The following RBFOX1 variants were observed in gnomAD, a reference collection of about 807,000 sequenced individuals.
The protein encoded by RBFOX1 is RNA binding fox-1 homolog 1.
A neutral mutation model predicts 57.7 loss-of-function variants in RBFOX1; 8 were observed. The observed-to-expected ratio is 0.14, with a 90% CI of 0.08 to 0.25. The LOEUF (loss-of-function observed/expected upper bound fraction) is 0.25, where lower values mean the gene tolerates loss of function less well. Among genes scored for constraint, RBFOX1 ranks in the 10% least tolerant of loss-of-function variants. The pLI is 1.00. For missense variants in RBFOX1, 611 were observed against 548.5 expected (o/e 1.11, Z -1.14); for synonymous variants, 326 against 222.4 (o/e 1.47, Z -4.15).
chr16:7,127,278 T>C (rs1407066815), intron 4 of RBFOX1, among the ~76,000 whole-genome samples: 1 of 152,164 alleles, frequency 6.6e-6, no homozygotes, highest in Non-Finnish European at 1.5e-5. Flanking sequence ...ATATGTAATA[T>C]TATCCATAGT....
At chr16:7,155,732 T>TACAC (rs1261795700) in intron 4 of RBFOX1, among the ~76,000 whole-genome samples, 1 of 89,442 alleles carries the variant, frequency 1.1e-5, no homozygotes, top group Non-Finnish European at 2.0e-5. Flanking sequence ...TATATATATA[T>TACAC]ATATATACAC....
chr16:5,470,116 G>T (rs914163777), intron 2 of RBFOX1, among the ~76,000 whole-genome samples: 1 of 152,182 alleles, frequency 6.6e-6, no homozygotes, highest in African/African-American at 2.4e-5. Flanking sequence ...GACTCAGCAG[G>T]GTTTCTCCCA....
intron 4 of RBFOX1, among the ~76,000 whole-genome samples, chr16:5,930,167 A>G: frequency 6.6e-6 from 1 of 151,208 alleles, no homozygotes; most frequent in Middle Eastern, 3.2e-3. Flanking sequence ...TATAAGTGAC[A>G]GAAACTCAAC....
chr16:6,930,994 C>T (rs531240148), intron 3 of RBFOX1, among the ~76,000 whole-genome samples: 3 of 151,850 alleles, frequency 2.0e-5, no homozygotes, highest in African/African-American at 2.4e-5. Flanking sequence ...TATTTCCTAT[C>T]TTCTCCTTTC....
intron 1 of RBFOX1, among the ~76,000 whole-genome samples, chr16:6,271,852 G>C (rs1348500659): frequency 6.6e-6 from 1 of 152,058 alleles, no homozygotes; most frequent in African/African-American, 2.4e-5. Context: ...GTTTTTGTTA[G>C]AGAATTCTAC....
intron 4 of RBFOX1, among the ~76,000 whole-genome samples, chr16:7,138,811 C>G (rs1483392073): frequency 6.6e-6 from 1 of 152,056 alleles, no homozygotes; most frequent in Non-Finnish European, 1.5e-5. Context: ...GCTGGATAAA[C>G]TCAGACTTTT....
chr16:7,000,140 C>T (rs1568304984), intron 3 of RBFOX1, among the ~76,000 whole-genome samples: 1 of 150,518 alleles, frequency 6.6e-6, no homozygotes, highest in South Asian at 2.1e-4. Context: ...GTTTTCAGTA[C>T]TTACAATTAG....
chr16:7,597,520 G>C, intron 9 of RBFOX1, 89 bp downstream of exon 9: 1 of 1,194,200 alleles, frequency 8.4e-7, no homozygotes. Flanking sequence ...AACAAGCTGT[G>C]TTTGCCTGGG....
intron 1 of RBFOX1, among the ~76,000 whole-genome samples, chr16:6,062,627 T>TA (rs2095703215): frequency 6.9e-6 from 1 of 145,744 alleles, no homozygotes; most frequent in Non-Finnish European, 1.5e-5. Context: ...TAAATATATA[T>TA]AACATATACA....
rs534449475 is a variant in RBFOX1, at chr16:7,226,824, C to T, written c.27+174726C>T. ...AAATAAGTCAGTGAGCAAATTATCT[C>T]ATTAAAATGTAAGTCAGAGATTGCC... On this transcript the variant is annotated intron_variant, in intron 4 of 15. Coordinates refer to ENST00000550418, the MANE Select transcript of RBFOX1 (RefSeq NM_018723.4). Among the ~76,000 whole-genome samples, 360 of 152,278 alleles carry T rather than the reference C, an allele frequency of 2.4e-3. 2 individuals are homozygous for T. Among genetic ancestry groups the T allele is most frequent in the South Asian group, 0.013 (63 of 4,820 alleles).
At chr16:6,237,572 T>G (rs894341127) in intron 1 of RBFOX1, among the ~76,000 whole-genome samples, 1 of 151,980 alleles carries the variant, frequency 6.6e-6, no homozygotes, top group African/African-American at 2.4e-5. Context: ...TGAAACCTCG[T>G]CTTTACTAAA....
chr16:7,571,545 A>C (rs1316437544), intron 5 of RBFOX1, among the ~76,000 whole-genome samples: 2 of 152,218 alleles, frequency 1.3e-5, no homozygotes, highest in African/African-American at 4.8e-5. Flanking sequence ...CAGGAGATTA[A>C]AGTGCCAGTG....
intron 12 of RBFOX1, among the ~76,000 whole-genome samples, chr16:7,660,370 G>A (rs1324570550): frequency 2.6e-5 from 4 of 152,170 alleles, no homozygotes; most frequent in African/African-American, 7.2e-5. Context: ...CCTGTTTAGT[G>A]CGCAATGGTA....
intron 3 of RBFOX1, among the ~76,000 whole-genome samples, chr16:7,010,313 A>G (rs1266597695): frequency 6.6e-6 from 1 of 152,240 alleles, no homozygotes; most frequent in East Asian, 1.9e-4. Flanking sequence ...ACACTAGAGA[A>G]AGAACTTACA....
At position 7,179,350 on chromosome 16, in the gene RBFOX1, C is replaced by G. The variant is rs1190444888; in HGVS notation, c.27+127252C>G. On this transcript the variant is annotated intron_variant, in intron 4 of 15. Transcript: ENST00000550418. ...GCACCGCTTTCCCCTTACCCCTTAC[C>G]TAAGAGAACATAATTCTAAAAATCC... is the stretch of plus-strand genomic sequence containing the variant. Among the ~76,000 whole-genome samples, 7 of 152,130 alleles carry G rather than the reference C, an allele frequency of 4.6e-5. No individual in the cohort carries two copies. In the East Asian group the frequency reaches 9.7e-4, roughly 21 times the overall value.
At chr16:6,957,424 T>C (rs565066215) in intron 3 of RBFOX1, among the ~76,000 whole-genome samples, 7 of 152,276 alleles carry the variant, frequency 4.6e-5, no homozygotes, top group African/African-American at 1.2e-4. Flanking sequence ...CTTCATGATA[T>C]GCTAAACAAG....
intron 2 of RBFOX1, among the ~76,000 whole-genome samples, chr16:6,419,461 A>C (rs1249230184): frequency 1.3e-5 from 2 of 152,238 alleles, no homozygotes; most frequent in Non-Finnish European, 2.9e-5. Context: ...GGCAGAGACA[A>C]GACAGTGCTA....
At chr16:5,988,917 G>T (rs2060333241) in intron 4 of RBFOX1, among the ~76,000 whole-genome samples, 1 of 152,126 alleles carries the variant, frequency 6.6e-6, no homozygotes, top group Non-Finnish European at 1.5e-5. Flanking sequence ...TCTGGCTTTA[G>T]ATGGGCATGC....
At chr16:7,231,330 C>G (rs1196998019) in intron 4 of RBFOX1, among the ~76,000 whole-genome samples, 1 of 152,170 alleles carries the variant, frequency 6.6e-6, no homozygotes, top group Non-Finnish European at 1.5e-5. Context: ...CAGGAATCGA[C>G]TACTATCGTT....
Sources: allele counts gnomAD v4.1 joint callset (sites outside exome capture counted in the v4.1 genomes callset), GRCh38; gene constraint gnomAD v4.1.1; transcripts MANE v1.5; gene names NCBI Gene and HGNC (gene_info 2026-07-23, HGNC 2026-07-21).